The following ZAN variants were observed in gnomAD, a reference collection of about 807,000 sequenced individuals.
The protein encoded by ZAN is zonadhesin (gene/pseudogene).
A neutral mutation model predicts 286.2 loss-of-function variants in ZAN; 260 were observed. The observed-to-expected ratio is 0.91, with a 90% CI of 0.82 to 1.01. ZAN has a LOEUF of 1.01. Ranked by LOEUF, ZAN falls within the 50% of genes least tolerant of loss-of-function variation. The pLI, the probability that ZAN is intolerant of heterozygous loss-of-function variation, is 0.00. For missense variants in ZAN, 3,410 were observed against 3,639.2 expected (o/e 0.94, Z 1.62); for synonymous variants, 1,368 against 1,417.5 (o/e 0.97, Z 0.79).
chr7:100,779,037 T>C (rs1300783746), intron 34 of ZAN, among the ~76,000 whole-genome samples: 1 of 150,208 alleles, frequency 6.7e-6, no homozygotes, highest in Non-Finnish European at 1.5e-5. Flanking sequence ...TGTCTCCAGA[T>C]AAACCAAAAC....
rs1451843388 is a variant in ZAN, at chr7:100,760,446, G to A, written c.3752G>A (p.Gly1251Asp). The A allele has an allele frequency of 6.2e-7, 1 of 1,613,932 alleles. No homozygotes were observed. The highest frequency in any genetic ancestry group is 1.7e-5 in the Admixed American group (1 of 60,004). Reference sequence around the variant, plus strand: ...ATACCCTCTAAAGGCGTCTTCCTGGGTGCAAGCGGGCGGTTTGTGGAGCTG... The same window carrying A: ...ATACCCTCTAAAGGCGTCTTCCTGGATGCAAGCGGGCGGTTTGTGGAGCTG... The part of the protein sequence containing the change: ...PAIPSKGVFL[G>D]ASGRFVELQT... The change falls in exon 19 of 48, where the codon GGT (glycine) becomes GAT (aspartate). Residue 1251 changes from glycine to aspartate, a missense_variant. Gly to Asp is a moderately conservative substitution (Grantham distance 94). Around this residue, in one of 7 missense-constraint regions of ZAN, gnomAD observed 1,042 missense variants for 1,058.0 expected, o/e 0.98. Coordinates refer to ENST00000613979, the MANE Select transcript of ZAN (RefSeq NM_003386.3).
rs960906007 is a variant in ZAN, at chr7:100,735,754, C to T, written c.88C>T (p.Arg30Cys). The T allele has an allele frequency of 7.3e-6, 11 of 1,507,502 alleles. 1 individual carries two copies. The highest frequency in any genetic ancestry group is 5.4e-5 in the Admixed American group (3 of 55,130). 93.4% of individuals were successfully genotyped at this position (1,507,502 alleles called of 1,614,324 possible). A position where few individuals can be genotyped will look rare whatever the true frequency, so the allele number is the denominator to read the frequency against. Residue 30 changes from arginine to cysteine, a missense_variant, in exon 3 of 48, where the codon CGC becomes TGC. Around this residue, in one of 7 missense-constraint regions of ZAN, gnomAD observed 872 missense variants for 938.9 expected, o/e 0.93. Transcript: ENST00000613979. ...GCCTCCGGACCAGAAGCTGGTTGTT[C>T]GCAGCTCTAGGGACAACTGTGAGTT... The part of the protein sequence containing the change: ...EKPPDQKLVV[R>C]SSRDNYVLTQ...
chr7:100,793,925 AAGGCTGCGCCAGCATCCC>A lies in ZAN; in HGVS notation c.7899_7916del (p.Arg2634_Leu2639del). 1 of 1,613,922 alleles carries A rather than the reference AAGGCTGCGCCAGCATCCC, an allele frequency of 6.2e-7. No homozygotes were observed. Among genetic ancestry groups the A allele is most frequent in the East Asian group, 2.2e-5 (1 of 44,874 alleles). The stretch of plus-strand genomic sequence containing the variant: ...GGGGACTGCGAGGGCCCCTGCGTGG[AAGGCTGCGCCAGCATCCC>A]AGGCTATGCCTACAGTGGCACCCAG... On this transcript the variant is annotated inframe_deletion, in exon 43 of 48. Coordinates refer to ENST00000613979, the MANE Select transcript of ZAN (RefSeq NM_003386.3).
At chr7:100,776,781 G>A (rs1320881085) in intron 34 of ZAN, among the ~76,000 whole-genome samples, 12 of 120,608 alleles carry the variant, frequency 9.9e-5, no homozygotes, top group South Asian at 3.2e-4. Flanking sequence ...GCCGGACTGC[G>A]GACTGCAGTG....
intron 17 of ZAN, among the ~76,000 whole-genome samples, chr7:100,759,259 A>C (rs1447940363): frequency 6.6e-6 from 1 of 151,720 alleles, no homozygotes; most frequent in Non-Finnish European, 1.5e-5. Flanking sequence ...TTAAAAAATC[A>C]GCTGGGTATG....
chr7:100,783,341 GCT>G (rs1811312933), intron 35 of ZAN, among the ~76,000 whole-genome samples: 1 of 151,988 alleles, frequency 6.6e-6, no homozygotes, highest in South Asian at 2.1e-4. Flanking sequence ...ACTACTGATG[GCT>G]CTTTTTTTTA....
intron 36 of ZAN, among the ~76,000 whole-genome samples, 185 bp from the exon 37 acceptor site, chr7:100,785,812 C>T (rs1455899955): frequency 3.3e-5 from 5 of 152,134 alleles, no homozygotes; most frequent in Admixed American, 3.3e-4. Context: ...GTGTGTGCTA[C>T]CACACCTGGC....
At chr7:100,792,879 A>G (rs1027462258) in intron 42 of ZAN, among the ~76,000 whole-genome samples, 1 of 150,862 alleles carries the variant, frequency 6.6e-6, no homozygotes, top group African/African-American at 2.4e-5. Context: ...TGGGAGGTTG[A>G]GGCTGGAGGA....
chr7:100,791,288 A>G (rs1319828543), intron 40 of ZAN, among the ~76,000 whole-genome samples, 175 bp downstream of exon 40: 1 of 152,020 alleles, frequency 6.6e-6, no homozygotes, highest in Non-Finnish European at 1.5e-5. Flanking sequence ...CTCCCGCTCA[A>G]TGGAAATCTC....
chr7:100,792,507 C>A, intron 42 of ZAN, 28 bp downstream of exon 42: 1 of 1,613,266 alleles, frequency 6.2e-7, no homozygotes. Context: ...AGGAGGCGGG[C>A]GCTGCCCTGG....
chr7:100,773,928 A>G (rs560544468), intron 31 of ZAN, 63 bp downstream of exon 31: 21 of 1,543,596 alleles, frequency 1.4e-5, no homozygotes, highest in Admixed American at 2.0e-5. Context: ...CAACTCCCCA[A>G]CAGACTCCCT....
intron 4 of ZAN, 54 bp from the exon 5 acceptor site, chr7:100,736,755 G>C (rs1179089863): frequency 1.4e-6 from 2 of 1,456,720 alleles, no homozygotes; most frequent in African/African-American, 2.9e-5. Flanking sequence ...GGATGGGTGG[G>C]GGCAGCCCTC....
chr7:100,773,733 T>C lies in ZAN; in HGVS notation c.5647T>C (p.Trp1883Arg), dbSNP rs376460487. The part of the protein sequence containing the change: ...AGSYHPVGER[W>R]YTENTCTRLC... ...CTGTGGCCCACAGGTCGGGGAGCGC[T>C]GGTACACAGAGAACACCTGCACCAG... Residue 1883 changes from tryptophan (W) to arginine (R), a missense_variant, in exon 31 of 48, where the codon TGG becomes CGG. Transcript: ENST00000613979. 153 of 1,610,288 alleles carry C rather than the reference T, an allele frequency of 9.5e-5. No homozygotes were observed. The highest frequency in any genetic ancestry group is 1.1e-4 in the Non-Finnish European group (135 of 1,178,336).
chr7:100,795,862 A>C lies in ZAN; in HGVS notation c.8266+526A>C, dbSNP rs573436478. Among the ~76,000 whole-genome samples, 18 of 151,416 alleles carry C rather than the reference A, an allele frequency of 1.2e-4. No individual in the cohort carries two copies. The South Asian group carries it at 3.1e-3, about 26-fold the overall frequency. Reference sequence around the variant, plus strand: ...TGGAGGTTGCAGTGAGCCAAGATCAAGCCACTGCACTCCAGCCTGGGTGAC... The same window carrying C: ...TGGAGGTTGCAGTGAGCCAAGATCACGCCACTGCACTCCAGCCTGGGTGAC... On this transcript the variant is annotated intron_variant, in intron 45 of 47. Transcript: ENST00000613979.
At position 100,736,946 on chromosome 7, in the gene ZAN, C is replaced by A; in HGVS notation, c.391C>A (p.Gln131Lys). The A allele has an allele frequency of 6.7e-7, 1 of 1,503,140 alleles. No homozygotes were observed. 93.1% of individuals were successfully genotyped at this position (1,503,140 alleles called of 1,614,324 possible). A position where few individuals can be genotyped will look rare whatever the true frequency, so the allele number is the denominator to read the frequency against. Residue 131 changes from glutamine to lysine, a missense_variant, in exon 5 of 48, where the codon CAG becomes AAG. Coordinates refer to ENST00000613979, the MANE Select transcript of ZAN (RefSeq NM_003386.3). ...HHMFGLSWGA[Q>K]LRLLLLSGEE... Reference sequence around the variant, plus strand: ...CATGTTCGGGCTGTCTTGGGGCGCCCAGCTCAGGCTGCTGCTGCTCTCGGG... The same window carrying A: ...CATGTTCGGGCTGTCTTGGGGCGCCAAGCTCAGGCTGCTGCTGCTCTCGGG...
chr7:100,755,413 A>T lies in ZAN; in HGVS notation c.3309+3A>T. On this transcript the variant is annotated splice_donor_region_variant and intron_variant, in intron 15 of 47. Transcript: ENST00000613979. ...TCTACAACAACGACTACTATGAGGT[A>T]AGCCCCCCGGGATGCTGGGGTCCCA... 1 of 1,612,372 alleles carries T rather than the reference A, an allele frequency of 6.2e-7. No homozygotes were observed. The highest frequency in any genetic ancestry group is 2.2e-5 in the East Asian group (1 of 44,854).
At position 100,789,245 on chromosome 7, in the gene ZAN, T is replaced by C. The variant is rs778266570; in HGVS notation, c.7255T>C (p.Tyr2419His). Reference sequence around the variant, plus strand: ...CAACAACCAGAAGATGGCCGTCCCCTACAGGCCAAATGAACACCTGCGGGT... The same window carrying C: ...CAACAACCAGAAGATGGCCGTCCCCCACAGGCCAAATGAACACCTGCGGGT... ...VVNNQKMAVPYRPNEHLRVTL... is the reference protein window; with the variant it reads ...VVNNQKMAVPHRPNEHLRVTL... Residue 2419 changes from tyrosine (Y) to histidine (H), a missense_variant, in exon 39 of 48, where the codon TAC (tyrosine) becomes CAC (histidine). By Grantham distance (83) the Tyr-to-His change is moderately conservative. This residue lies in a region of ZAN where 1,289 missense variants were observed against 1,314.3 expected (regional missense o/e 0.98). Coordinates refer to ENST00000613979, the MANE Select transcript of ZAN (RefSeq NM_003386.3). The C allele has an allele frequency of 3.8e-5, 61 of 1,613,692 alleles. No individual in the cohort carries two copies. Among genetic ancestry groups the C allele is most frequent in the Non-Finnish European group, 5.1e-5 (60 of 1,179,870 alleles).
chr7:100,745,101 C>G (rs1808094991), intron 7 of ZAN, among the ~76,000 whole-genome samples: 1 of 151,734 alleles, frequency 6.6e-6, no homozygotes, highest in South Asian at 2.1e-4. Flanking sequence ...CCAAGCTGGT[C>G]TAGAACCCCT....
At chr7:100,745,723 TAA>T (rs58506423) in intron 7 of ZAN, among the ~76,000 whole-genome samples, 22 of 133,504 alleles carry the variant, frequency 1.6e-4, no homozygotes, top group African/African-American at 6.1e-4. Flanking sequence ...GCCCATCTCT[TAA>T]AAAAAAAAAA....
Sources: allele counts gnomAD v4.1 joint callset (sites outside exome capture counted in the v4.1 genomes callset), GRCh38; gene constraint gnomAD v4.1.1; regional missense constraint gnomAD v4.1.1; transcripts MANE v1.5; gene names NCBI Gene and HGNC (gene_info 2026-07-23, HGNC 2026-07-21).